The following INTS6L variants were observed in gnomAD, a reference collection of about 807,000 sequenced individuals.
The protein encoded by INTS6L is integrator complex subunit 6 like.
Under a neutral mutation model 64.7 loss-of-function variants are expected in INTS6L, and 18 were observed. That is an observed-to-expected ratio of 0.28 (90% CI 0.19 to 0.41). The LOEUF is 0.41. Among genes scored for constraint, INTS6L ranks in the 10% least tolerant of loss-of-function variants. The pLI, the probability that INTS6L is intolerant of heterozygous loss-of-function variation, is 1.00. For synonymous variants in INTS6L, 227 were observed against 235.9 expected (o/e 0.96, Z 0.34); for missense variants, 533 against 661.0 (o/e 0.81, Z 2.12).
chrX:135,574,949 G>A (rs998439632), intron 13 of INTS6L, 135 bp from the exon 14 acceptor site: 4 of 606,340 alleles, frequency 6.6e-6, no homozygotes, highest in Non-Finnish European at 1.0e-5. Flanking sequence ...CTAGATCCTA[G>A]AATGCTAGAT....
intron 2 of INTS6L, among the ~76,000 whole-genome samples, chrX:135,538,455 TA>T (rs1487371073): frequency 8.9e-6 from 1 of 112,169 alleles, no homozygotes; most frequent in Non-Finnish European, 1.9e-5. Flanking sequence ...TTCTACCACT[TA>T]TGCAGTTACT....
intron 2 of INTS6L, among the ~76,000 whole-genome samples, chrX:135,539,231 T>G (rs1422896119): frequency 8.9e-6 from 1 of 112,633 alleles, no homozygotes; most frequent in African/African-American, 3.2e-5. Flanking sequence ...GTAGCCAATC[T>G]CATCAGTGAT....
chrX:135,562,443 T>C (rs1266729288), intron 9 of INTS6L, among the ~76,000 whole-genome samples: 1 of 112,286 alleles, frequency 8.9e-6, no homozygotes, highest in African/African-American at 3.2e-5. Flanking sequence ...TTAATATATA[T>C]TCCAGCAGTG....
At chrX:135,572,728 G>A (rs782726535) in intron 11 of INTS6L, 87 bp from the exon 12 acceptor site, 7 of 787,562 alleles carry the variant, frequency 8.9e-6, no homozygotes, top group Non-Finnish European at 1.3e-5. Flanking sequence ...GTTCTGTGGG[G>A]TTCTGAAAGT....
chrX:135,544,691 G>C (rs1284059478), intron 2 of INTS6L, among the ~76,000 whole-genome samples: 2 of 111,848 alleles, frequency 1.8e-5, no homozygotes, highest in Non-Finnish European at 3.8e-5. Context: ...TCTCAGACCA[G>C]TCAGCACGAT....
intron 2 of INTS6L, among the ~76,000 whole-genome samples, chrX:135,522,419 T>A (rs1556498097): frequency 8.9e-6 from 1 of 112,054 alleles, no homozygotes; most frequent in African/African-American, 3.3e-5. Context: ...TATGTTCCTA[T>A]GGTGAGGAGA....
intron 2 of INTS6L, among the ~76,000 whole-genome samples, chrX:135,544,896 A>G (rs2086314906): frequency 8.9e-6 from 1 of 111,841 alleles, no homozygotes; most frequent in Non-Finnish European, 1.9e-5. Context: ...TGAAGATACC[A>G]GAAGGGTTAT....
intron 2 of INTS6L, among the ~76,000 whole-genome samples, chrX:135,528,726 ATTCC>A (rs1240521861): frequency 9.0e-6 from 1 of 111,544 alleles, no homozygotes; most frequent in African/African-American, 3.3e-5. Context: ...AAAATTTGAA[ATTCC>A]ATATGTGAAA....
At chrX:135,539,813 T>G (rs1213593790) in intron 2 of INTS6L, among the ~76,000 whole-genome samples, 1 of 111,361 alleles carries the variant, frequency 9.0e-6, no homozygotes, top group South Asian at 3.8e-4. Context: ...GGGAGAGAGA[T>G]AGGGAACAGC....
chrX:135,555,409 TTAAG>T (rs1411847465), intron 8 of INTS6L, among the ~76,000 whole-genome samples: 3 of 112,241 alleles, frequency 2.7e-5, no homozygotes, highest in Admixed American at 9.4e-5. Context: ...ACATAATCCT[TTAAG>T]TAGGCTTTGT....
chrX:135,559,047 TGC>T (rs2086716198), intron 9 of INTS6L, among the ~76,000 whole-genome samples: 1 of 111,556 alleles, frequency 9.0e-6, no homozygotes, highest in Non-Finnish European at 1.9e-5. Flanking sequence ...CCTCCTAAAG[TGC>T]TGGGATTGCA....
chrX:135,551,897 G>C, intron 7 of INTS6L, 97 bp from the exon 8 acceptor site: 1 of 813,011 alleles, frequency 1.2e-6, no homozygotes. Flanking sequence ...CAGTGAAAAT[G>C]TAACAAAATA....
Position 135,545,562 on chromosome X carries a change from A to G in INTS6L, c.329A>G (p.Asn110Ser), listed in dbSNP as rs1556514759. The part of the protein sequence containing the change: ...NLNRLISGID[N>S]YGQGRNPFFL... Reference sequence around the variant, plus strand: ...AATAGATTAATATCTGGAATAGACAATTATGGACAGGTAAAAATAATTTGA... The same window carrying G: ...AATAGATTAATATCTGGAATAGACAGTTATGGACAGGTAAAAATAATTTGA... The change falls in exon 3 of 18, where the codon AAT becomes AGT. Residue 110 changes from asparagine to serine, a missense_variant. Transcript: ENST00000639893. 2 of 1,199,785 alleles carry G rather than the reference A, an allele frequency of 1.7e-6. No homozygotes were observed. Among genetic ancestry groups the G allele is most frequent in the Non-Finnish European group, 2.2e-6 (2 of 890,742 alleles).
rs541920480 is a variant in INTS6L at position 135,579,823 on chromosome X, A to G, written c.2155A>G (p.Met719Val). The G allele has an allele frequency of 2.5e-6, 3 of 1,195,595 alleles. No individual in the cohort carries two copies. Residue 719 changes from methionine (M) to valine (V), a missense_variant, in exon 16 of 18, where the codon ATG becomes GTG. Met to Val is a conservative substitution (Grantham distance 21, BLOSUM62 1). Coordinates refer to ENST00000639893, the MANE Select transcript of INTS6L (RefSeq NM_001351601.3). Reference protein sequence around the residue: ...TIIHDGHEEKMENGQITPDGF... With the variant: ...TIIHDGHEEKVENGQITPDGF... ...CATTCACGATGGCCATGAGGAGAAG[A>G]TGGAAAATGGTCAGATCACACCTGA...
At chrX:135,543,900 T>C (rs1357383459) in intron 2 of INTS6L, among the ~76,000 whole-genome samples, 1 of 112,297 alleles carries the variant, frequency 8.9e-6, no homozygotes, top group Non-Finnish European at 1.9e-5. Flanking sequence ...CTAAAAGTCA[T>C]ATATACAATT....
chrX:135,563,633 G>GTGTGTGTGTATATATATATA (rs1556523326), intron 9 of INTS6L, among the ~76,000 whole-genome samples: 2 of 10,413 alleles, frequency 1.9e-4, no homozygotes, highest in Admixed American at 7.7e-4. Context: ...GTGTGTGTGT[G>GTGTGTGTGTATATATATATA]TATATATATA....
chrX:135,521,138 C>T, intron 1 of INTS6L, 35 bp downstream of exon 1: 2 of 1,191,083 alleles, frequency 1.7e-6, no homozygotes, highest in Non-Finnish European at 1.1e-6. Flanking sequence ...GGGGAGAGCT[C>T]CCGAGGGATT....
At chrX:135,522,887 C>G (rs1169474073) in intron 2 of INTS6L, among the ~76,000 whole-genome samples, 4 of 112,066 alleles carry the variant, frequency 3.6e-5, no homozygotes, top group African/African-American at 1.3e-4. Flanking sequence ...TTAAAAATGT[C>G]AGTTTTCCCA....
At chrX:135,555,967 G>T (rs1174779767) in intron 8 of INTS6L, among the ~76,000 whole-genome samples, 1 of 112,346 alleles carries the variant, frequency 8.9e-6, no homozygotes, top group Admixed American at 9.4e-5. Context: ...AGGATTATAA[G>T]TGTGAGCCAC....
Sources: gnomAD v4.1 joint callset for allele counts (sites outside exome capture counted in the v4.1 genomes callset) on GRCh38, gnomAD v4.1.1 for gene constraint, MANE v1.5 for transcripts, NCBI Gene and HGNC (gene_info 2026-07-23, HGNC 2026-07-21) for gene names.